GRIN2A: variants seen among roughly 807,000 people sequenced by gnomAD.
The protein encoded by GRIN2A is glutamate ionotropic receptor NMDA type subunit 2A, also known as glutamate receptor ionotropic, NMDA 2A.
GRIN2A carries 22 observed loss-of-function variants against 113.4 expected under a neutral mutation model. The observed-to-expected ratio is 0.19, with a 90% CI of 0.14 to 0.28. The LOEUF is 0.28. GRIN2A is among the 10% of genes least tolerant of loss of function. GRIN2A has a pLI of 1.00. For missense variants in GRIN2A, 1,502 were observed against 1,887.0 expected (o/e 0.80, Z 3.78); for synonymous variants, 827 against 738.4 (o/e 1.12, Z -1.94).
intron 3 of GRIN2A, among the ~76,000 whole-genome samples, chr16:9,923,512 A>G (rs1347192924): frequency 6.6e-6 from 1 of 152,018 alleles, no homozygotes; most frequent in Non-Finnish European, 1.5e-5. Context: ...TTCTTTTGAT[A>G]AGTTGAATAT....
At chr16:10,030,657 G>C (rs1489674803) in intron 2 of GRIN2A, among the ~76,000 whole-genome samples, 1 of 152,128 alleles carries the variant, frequency 6.6e-6, no homozygotes, top group Non-Finnish European at 1.5e-5. Context: ...TTTTTACATT[G>C]ATGAGTTATA....
intron 10 of GRIN2A, among the ~76,000 whole-genome samples, chr16:9,820,640 CAAAA>C (rs1567322730): frequency 6.6e-6 from 1 of 151,958 alleles, no homozygotes; most frequent in Non-Finnish European, 1.5e-5. Flanking sequence ...CCAAAGACGA[CAAAA>C]AAGAAAAGAG....
chr16:9,808,359 T>A (rs956796929), intron 10 of GRIN2A, among the ~76,000 whole-genome samples: 3 of 152,194 alleles, frequency 2.0e-5, no homozygotes, highest in Non-Finnish European at 4.4e-5. Flanking sequence ...GAATCCAGGA[T>A]GCTTATCCTT....
intron 9 of GRIN2A, among the ~76,000 whole-genome samples, chr16:9,823,940 G>A (rs777856485): frequency 2.0e-5 from 3 of 152,160 alleles, no homozygotes; most frequent in Admixed American, 6.6e-5. Context: ...GGACCACAAT[G>A]CAGCAGTCTC....
chr16:10,069,727 A>G (rs1014413819), intron 2 of GRIN2A, among the ~76,000 whole-genome samples: 1 of 152,276 alleles, frequency 6.6e-6, no homozygotes, highest in Non-Finnish European at 1.5e-5. Flanking sequence ...TGCCCAGCCC[A>G]GGCTGGGAGG....
intron 11 of GRIN2A, among the ~76,000 whole-genome samples, chr16:9,789,908 G>A (rs1902500494): frequency 6.6e-6 from 1 of 152,206 alleles, no homozygotes; most frequent in African/African-American, 2.4e-5. Flanking sequence ...TGGAAGAAAG[G>A]GAGAAACTGT....
intron 10 of GRIN2A, among the ~76,000 whole-genome samples, chr16:9,819,243 G>C (rs1291494850): frequency 2.0e-5 from 3 of 151,954 alleles, no homozygotes; most frequent in Non-Finnish European, 2.9e-5. Context: ...ATTTAGGCTG[G>C]GCATAGTGAC....
Position 9,763,591 on chromosome 16 carries a change from C to T in GRIN2A, c.3953G>A (p.Arg1318Gln), listed in dbSNP as rs149745535. 5.0e-6 allele frequency: 8 copies of T among 1,613,528 alleles called. No homozygotes were observed. The African/African-American group carries it at 6.7e-5, about 13-fold the overall frequency. ...SRSISLKDRERLLEGNFYGSL... is the reference protein window; with the variant it reads ...SRSISLKDREQLLEGNFYGSL... ...GCCGTAAAAATTTCCCTCCAGAAGC[C>T]GTTCCCTGTCCTTGAGGCTTATGCT... Residue 1318 changes from arginine (R) to glutamine (Q), a missense_variant, in exon 13 of 13, where the codon CGG becomes CAG. Arg to Gln is a conservative substitution (Grantham distance 43, BLOSUM62 1). Around this residue, in one of 7 missense-constraint regions of GRIN2A, gnomAD observed 832 missense variants for 789.7 expected, o/e 1.05. Transcript: ENST00000330684.
intron 2 of GRIN2A, among the ~76,000 whole-genome samples, chr16:10,063,783 A>T (rs1015449977): frequency 5.3e-5 from 8 of 152,236 alleles, no homozygotes; most frequent in Admixed American, 3.3e-4. Context: ...ATAATAAAAA[A>T]GAACACTAGG....
At chr16:10,040,050 C>CAAATAAACTA (rs2047128506) in intron 2 of GRIN2A, among the ~76,000 whole-genome samples, 1 of 866 alleles carries the variant, frequency 1.2e-3, no homozygotes, top group Non-Finnish European at 2.5e-3. Context: ...CATCCACACA[C>CAAATAAACTA]CACCATAAAT....
At chr16:10,127,713 A>G (rs537658859) in intron 2 of GRIN2A, among the ~76,000 whole-genome samples, 85 of 152,344 alleles carry the variant, frequency 5.6e-4, no homozygotes, top group Non-Finnish European at 9.0e-4. Flanking sequence ...GAATTGATGG[A>G]TGAATTCAGG....
intron 3 of GRIN2A, among the ~76,000 whole-genome samples, chr16:9,901,774 T>C (rs1596560305): frequency 6.6e-6 from 1 of 152,220 alleles, no homozygotes; most frequent in South Asian, 2.1e-4. Flanking sequence ...AATATCTTTA[T>C]ATTAATCAAT....
chr16:9,841,238 C>G (rs139885639), intron 5 of GRIN2A, 134 bp from the exon 6 acceptor site: 18 of 756,986 alleles, frequency 2.4e-5, no homozygotes, highest in African/African-American at 1.7e-4. Context: ...CCCAAGGACA[C>G]ACTGTGAGTA....
chr16:9,993,476 A>G (rs1037048601), intron 2 of GRIN2A, among the ~76,000 whole-genome samples: 1 of 152,174 alleles, frequency 6.6e-6, no homozygotes, highest in African/African-American at 2.4e-5. Context: ...GGATCACTGT[A>G]GCCCAGGAAC....
chr16:10,015,252 CAAAAAAAAAAAAAA>C (rs200124835), intron 2 of GRIN2A, among the ~76,000 whole-genome samples: 1 of 19,316 alleles, frequency 5.2e-5, no homozygotes, highest in Non-Finnish European at 1.0e-4. Context: ...GACTTCATCT[CAAAAAAAAAAAAAA>C]AAAAAGAAAA....
intron 2 of GRIN2A, among the ~76,000 whole-genome samples, chr16:10,153,910 G>A (rs547147021): frequency 5.9e-5 from 9 of 152,252 alleles, no homozygotes; most frequent in East Asian, 1.9e-4. Flanking sequence ...CGGGGTCTTC[G>A]CAAGTGCTGT....
At chr16:9,821,963 A>G (rs1318066564) in intron 10 of GRIN2A, among the ~76,000 whole-genome samples, 3 of 152,284 alleles carry the variant, frequency 2.0e-5, no homozygotes, top group African/African-American at 7.2e-5. Flanking sequence ...GCCTTCTTGG[A>G]TCTTTCTATT....
chr16:10,089,922 A>C (rs1286725307), intron 2 of GRIN2A, among the ~76,000 whole-genome samples: 2 of 152,212 alleles, frequency 1.3e-5, no homozygotes, highest in African/African-American at 4.8e-5. Flanking sequence ...AGTAGTGATC[A>C]TATCAGAGCA....
chr16:9,969,530 C>G (rs538986802), intron 2 of GRIN2A, among the ~76,000 whole-genome samples: 3 of 152,300 alleles, frequency 2.0e-5, no homozygotes, highest in African/African-American at 7.2e-5. Context: ...ATTTAAAGAA[C>G]TGGATGTTCA....
Sources: gnomAD v4.1 joint callset for allele counts (sites outside exome capture counted in the v4.1 genomes callset) on GRCh38, gnomAD v4.1.1 for gene constraint, gnomAD v4.1.1 regional missense constraint, MANE v1.5 for transcripts, NCBI Gene and HGNC (gene_info 2026-07-23, HGNC 2026-07-21) for gene names.